The following ZNF362 variants were observed in gnomAD, a reference collection of about 807,000 sequenced individuals.
ZNF362 encodes rotund homolog.
Under a neutral mutation model 42.9 loss-of-function variants are expected in ZNF362, and 11 were observed. The ratio of observed to expected loss-of-function variants is 0.26; its 90% CI spans 0.16 to 0.42. The LOEUF (loss-of-function observed/expected upper bound fraction) is 0.42, where lower values mean the gene tolerates loss of function less well. Among genes scored for constraint, ZNF362 ranks in the 20% least tolerant of loss-of-function variants. The probability of loss-of-function intolerance (pLI) is 1.00; values close to 1 mark genes in which losing one functional copy is unlikely to be tolerated. For missense variants in ZNF362, 362 were observed against 576.2 expected, an observed-to-expected ratio of 0.63 and a Z score of 3.81; for synonymous variants, 255 against 257.3, an observed-to-expected ratio of 0.99 and a Z score of 0.09.
At chr1:33,227,437 A>G in the ZNF362 span, among the ~76,000 whole-genome samples, 2 of 152,150 alleles carry the variant, frequency 1.3e-5, no homozygotes, top group African/African-American at 2.4e-5. Flanking sequence ...CTGCCATGCT[A>G]TAAGAAGCCC....
At chr1:33,278,714 T>C (rs1035566182) in intron 4 of ZNF362, among the ~76,000 whole-genome samples, 1 of 152,262 alleles carries the variant, frequency 6.6e-6, no homozygotes, top group African/African-American at 2.4e-5. Flanking sequence ...GTGTGTGTTC[T>C]TTAAAATAGA....
chr1:33,187,245 G>A, the ZNF362 span, among the ~76,000 whole-genome samples: 4 of 152,320 alleles, frequency 2.6e-5, no homozygotes. Context: ...GTAGTTCTGG[G>A]AAAATGATCC....
chr1:33,250,304 A>C, the ZNF362 span, among the ~76,000 whole-genome samples: 80 of 152,318 alleles, frequency 5.3e-4, no homozygotes, highest in Non-Finnish European at 1.0e-3. Flanking sequence ...TAGAAAGTGC[A>C]TGTGTTCAGT....
chr1:33,168,717 A>C, the ZNF362 span, among the ~76,000 whole-genome samples: 1 of 152,208 alleles, frequency 6.6e-6, no homozygotes, highest in Admixed American at 6.5e-5. Context: ...TTGTTTGCCT[A>C]AGAGAGTAGA....
the ZNF362 span, among the ~76,000 whole-genome samples, chr1:33,208,220 G>C: frequency 6.6e-6 from 1 of 152,134 alleles, no homozygotes; most frequent in Admixed American, 6.5e-5. Context: ...TTTTTGTGGG[G>C]TTTGTCAAAT....
chr1:33,161,916 C>T, the ZNF362 span, among the ~76,000 whole-genome samples: 1,643 of 152,282 alleles, frequency 0.011, 24 homozygotes, highest in African/African-American at 0.036. The surrounding 1 kb of genome is among the most constrained non-coding windows in gnomAD (Gnocchi z 4.3). Flanking sequence ...CGCCTTCCAT[C>T]CTCACCCTGA....
chr1:33,225,756 G>C, the ZNF362 span, among the ~76,000 whole-genome samples: 1 of 152,192 alleles, frequency 6.6e-6, no homozygotes, highest in Admixed American at 6.5e-5. Context: ...GACTTCTCCA[G>C]GGTTAGCTCA....
chr1:33,131,431 C>T, the ZNF362 span, among the ~76,000 whole-genome samples: 1 of 152,170 alleles, frequency 6.6e-6, no homozygotes, highest in Non-Finnish European at 1.5e-5. Flanking sequence ...TTATGTTAGC[C>T]ACCGGCTTCC....
the ZNF362 span, among the ~76,000 whole-genome samples, chr1:33,230,762 G>A: frequency 2.4e-4 from 36 of 152,326 alleles, no homozygotes; most frequent in African/African-American, 7.2e-4. Context: ...GTTTTGCTTT[G>A]TTTATCCAAA....
chr1:33,176,519 G>A, the ZNF362 span: 19 of 659,156 alleles, frequency 2.9e-5, no homozygotes, highest in Middle Eastern at 7.9e-4. Context: ...AGACTGAATC[G>A]GATCCCCTCT....
chr1:33,147,376 C>T, the ZNF362 span: 20 of 1,614,046 alleles, frequency 1.2e-5, no homozygotes, highest in South Asian at 7.7e-5. This position sits in a 1 kb window ranked among gnomAD's most constrained non-coding sequence, Gnocchi z 8.1. Context: ...AAGCTTGTCC[C>T]GGACGTTAAG....
the ZNF362 span, chr1:33,181,042 C>T: frequency 6.6e-7 from 1 of 1,503,808 alleles, no homozygotes; most frequent in Non-Finnish European, 8.9e-7. This position sits in a 1 kb window ranked among gnomAD's most constrained non-coding sequence, Gnocchi z 6.5. Flanking sequence ...TCGTCGAAGG[C>T]GTCGTCGATG....
chr1:33,181,165 C>T, the ZNF362 span: 1 of 1,597,170 alleles, frequency 6.3e-7, no homozygotes. The surrounding 1 kb of genome is among the most constrained non-coding windows in gnomAD (Gnocchi z 6.5). Flanking sequence ...CAGGGTCGCG[C>T]GGCGCGGCGC....
At chr1:33,219,045 T>C in the ZNF362 span, among the ~76,000 whole-genome samples, 4 of 151,756 alleles carry the variant, frequency 2.6e-5, no homozygotes, top group Non-Finnish European at 5.9e-5. Flanking sequence ...CTTGATTCAC[T>C]GACCCTTAAG....
chr1:33,147,269 G>C, the ZNF362 span: 1 of 1,614,168 alleles, frequency 6.2e-7, no homozygotes, highest in Non-Finnish European at 8.5e-7. This position sits in a 1 kb window ranked among gnomAD's most constrained non-coding sequence, Gnocchi z 8.1. Flanking sequence ...AGCTTGCCAG[G>C]GAACTTCTCG....
the ZNF362 span, among the ~76,000 whole-genome samples, chr1:33,174,953 A>ATATATATATG: frequency 6.6e-5 from 1 of 15,232 alleles, no homozygotes; most frequent in East Asian, 1.7e-3. Flanking sequence ...GTGTATATAT[A>ATATATATATG]TATATATATA....
intron 6 of ZNF362, among the ~76,000 whole-genome samples, chr1:33,286,372 T>A (rs908426235): frequency 6.6e-6 from 1 of 151,970 alleles, no homozygotes; most frequent in Non-Finnish European, 1.5e-5. Flanking sequence ...TTTAAAAATA[T>A]TATTTGAGAA....
At chr1:33,189,668 T>TACAC in the ZNF362 span, among the ~76,000 whole-genome samples, 153 of 34,488 alleles carry the variant, frequency 4.4e-3, 9 homozygotes, top group Non-Finnish European at 6.8e-3. Flanking sequence ...TATATATATA[T>TACAC]ATATGTATAT....
At chr1:33,202,050 T>C in the ZNF362 span, among the ~76,000 whole-genome samples, 3 of 152,198 alleles carry the variant, frequency 2.0e-5, no homozygotes, top group Admixed American at 2.0e-4. Context: ...AGATAAAAAC[T>C]ACCAAAGTTC....
Sources: gnomAD v4.1 joint callset for allele counts (sites outside exome capture counted in the v4.1 genomes callset) on GRCh38, gnomAD v4.1.1 for gene constraint, Gnocchi (gnomAD v3.1) non-coding constraint, MANE v1.5 for transcripts, NCBI Gene and HGNC (gene_info 2026-07-23, HGNC 2026-07-21) for gene names.